The following OLFM1 variants were observed in gnomAD, a reference collection of about 807,000 sequenced individuals.
OLFM1 encodes olfactomedin 1, also known as noelin.
A neutral mutation model predicts 49.7 loss-of-function variants in OLFM1; 9 were observed. The observed-to-expected ratio is 0.18, with a 90% confidence interval of 0.11 to 0.32. The LOEUF is 0.32. OLFM1 is among the 10% of genes least tolerant of loss of function. The probability of loss-of-function intolerance (pLI) is 1.00; values close to 1 mark genes in which losing one functional copy is unlikely to be tolerated. For synonymous variants in OLFM1, 240 were observed against 271.8 expected (o/e 0.88, Z 1.15); for missense variants, 369 against 661.8 (o/e 0.56, Z 4.85).
intron 1 of OLFM1, among the ~76,000 whole-genome samples, chr9:135,081,819 T>C (rs1021278428): frequency 2.6e-5 from 4 of 152,138 alleles, no homozygotes; most frequent in African/African-American, 9.7e-5. Context: ...TGAGCTAAGG[T>C]GGCCTCTCAG....
chr9:135,109,716 C>CA (rs373108050), intron 5 of OLFM1, among the ~76,000 whole-genome samples: 1,670 of 146,794 alleles, frequency 0.011, 12 homozygotes, highest in African/African-American at 0.032. Flanking sequence ...TAACTCGCTC[C>CA]AAAAAAAAAA....
At chr9:135,097,014 T>G (rs2119116797) in intron 3 of OLFM1, among the ~76,000 whole-genome samples, 1 of 152,334 alleles carries the variant, frequency 6.6e-6, no homozygotes, top group African/African-American at 2.4e-5. Context: ...AATGAAGGTA[T>G]ACATGCATTT....
chr9:135,112,727 C>T (rs1298802690), intron 5 of OLFM1, among the ~76,000 whole-genome samples: 1 of 152,334 alleles, frequency 6.6e-6, no homozygotes, highest in Middle Eastern at 3.4e-3. Context: ...AGCAAGGGCT[C>T]GTGTGGACAC....
chr9:135,116,757 G>A (rs1049999808), intron 5 of OLFM1, among the ~76,000 whole-genome samples: 3 of 151,952 alleles, frequency 2.0e-5, no homozygotes, highest in African/African-American at 7.3e-5. Context: ...TGTCATTAAG[G>A]GGGTTTCAGC....
chr9:135,092,350 AGAAG>A lies in OLFM1; in HGVS notation c.300+2009_300+2012del, dbSNP rs1297156079. 9.8e-5 allele frequency among the ~76,000 whole-genome samples: 15 copies of A among 152,312 alleles called. No individual in the cohort carries two copies. In the East Asian group the frequency reaches 2.9e-3, roughly 29 times the overall value. ...CCACAGGACCCTTGTTTCTTGGGCAAGAAGGATGCATCATGGTACGCAGGGCAAC... is the reference window on the plus strand; with the variant it reads ...CCACAGGACCCTTGTTTCTTGGGCAAGATGCATCATGGTACGCAGGGCAAC... On this transcript the variant is annotated intron_variant, in intron 2 of 5. Transcript: ENST00000371793.
At chr9:135,116,199 C>T (rs914128853) in intron 5 of OLFM1, among the ~76,000 whole-genome samples, 3 of 152,186 alleles carry the variant, frequency 2.0e-5, no homozygotes, top group Non-Finnish European at 4.4e-5. Context: ...CACGGGGCTC[C>T]TTATCCCAAG....
rs1326464916 is a variant in OLFM1 at position 135,080,310 on chromosome 9, A to G, written c.96+4508A>G. ...TGTTTTGGACTTGCTGGGAGGATACAGTGTTTGTAGAAGGGGATGGAGTGC... is the reference window on the plus strand; with the variant it reads ...TGTTTTGGACTTGCTGGGAGGATACGGTGTTTGTAGAAGGGGATGGAGTGC... On this transcript the variant is annotated intron_variant, in intron 1 of 5. Transcript: ENST00000252854. The surrounding 1 kb of genome is among the most constrained non-coding windows in gnomAD (Gnocchi z 4.5). Among the ~76,000 whole-genome samples the G allele has an allele frequency of 6.6e-6, 1 of 151,942 alleles. No homozygotes were observed. Among genetic ancestry groups the G allele is most frequent in the Non-Finnish European group, 1.5e-5 (1 of 68,006 alleles).
At position 135,095,866 on chromosome 9, in the gene OLFM1, G is replaced by A; in HGVS notation, c.303G>A (p.Val101=). ...TGAACCTGTTGCCCTTTTGACAGGT[G>A]CAGAACATGTCTCAATCCATAGAGG... ...TKQLRQLLEK[V]QNMSQSIEVL... The change falls in exon 3 of 6, where the codon GTG becomes GTA. Residue 101 remains valine, a splice_region_variant and synonymous_variant. Coordinates refer to ENST00000371793, the MANE Select transcript of OLFM1 (RefSeq NM_001282611.2). 6.2e-7 allele frequency: 1 copy of A among 1,612,902 alleles called. No homozygotes were observed. Among genetic ancestry groups the A allele is most frequent in the East Asian group, 2.2e-5 (1 of 44,850 alleles).
chr9:135,099,222 T>C (rs1169299038), intron 4 of OLFM1, among the ~76,000 whole-genome samples: 1 of 152,252 alleles, frequency 6.6e-6, no homozygotes, highest in Non-Finnish European at 1.5e-5. Context: ...TAATTTTTCT[T>C]AAGAAATATT....
intron 1 of OLFM1, chr9:135,077,122 G>A (rs1310252895): frequency 1.3e-6 from 2 of 1,550,502 alleles, no homozygotes; most frequent in Non-Finnish European, 8.7e-7. Flanking sequence ...GTTGTGCACT[G>A]TTGCTGGACA....
intron 3 of OLFM1, among the ~76,000 whole-genome samples, chr9:135,097,330 A>G (rs991531203): frequency 6.6e-6 from 1 of 152,214 alleles, no homozygotes; most frequent in African/African-American, 2.4e-5. Flanking sequence ...TTGTCCTCGC[A>G]TCTGGCTGGT....
At position 135,088,229 on chromosome 9, in the gene OLFM1, C is replaced by T. The variant is rs911526046; in HGVS notation, c.150+90C>T. On this transcript the variant is annotated intron_variant, in intron 1 of 5. Transcript: ENST00000371793. The surrounding 1 kb of genome is among the most constrained non-coding windows in gnomAD (Gnocchi z 4.8). ...CCGGAGCCCCGGGCTGGGCGGGCGCCGCGCGGGACCCGAGTCGCCCAGGGA... is the reference window on the plus strand; with the variant it reads ...CCGGAGCCCCGGGCTGGGCGGGCGCTGCGCGGGACCCGAGTCGCCCAGGGA... 2 of 1,152,680 alleles carry T rather than the reference C, an allele frequency of 1.7e-6. No individual in the cohort carries two copies. Among genetic ancestry groups the T allele is most frequent in the Non-Finnish European group, 2.2e-6 (2 of 921,228 alleles). 71.4% of individuals were successfully genotyped at this position (1,152,680 alleles called of 1,614,324 possible). A position where few individuals can be genotyped will look rare whatever the true frequency, so the allele number is the denominator to read the frequency against.
intron 2 of OLFM1, among the ~76,000 whole-genome samples, chr9:135,091,571 A>ACAGTCACACACT: frequency 6.7e-6 from 1 of 149,010 alleles, no homozygotes; most frequent in Middle Eastern, 3.5e-3. Context: ...TCACACACAC[A>ACAGTCACACACT]CACAGTCACA....
chr9:135,114,120 A>ATGCTT, intron 5 of OLFM1, among the ~76,000 whole-genome samples: 1 of 72,524 alleles, frequency 1.4e-5, no homozygotes, highest in Non-Finnish European at 2.8e-5. Context: ...TCATCTTGAG[A>ATGCTT]TTCTTTTTTT....
chr9:135,111,391 C>A (rs528291035), intron 5 of OLFM1, among the ~76,000 whole-genome samples: 3 of 152,308 alleles, frequency 2.0e-5, no homozygotes, highest in Non-Finnish European at 4.4e-5. Flanking sequence ...GCCGTCTGGC[C>A]GCAGGCTCTC....
rs1413391664 is a variant in OLFM1 at position 135,117,574 on chromosome 9, C to A, written c.784-1930C>A. Among the ~76,000 whole-genome samples, 1 of 152,210 alleles carries A rather than the reference C, an allele frequency of 6.6e-6. No individual in the cohort carries two copies. Among genetic ancestry groups the A allele is most frequent in the Admixed American group, 6.5e-5 (1 of 15,280 alleles). The stretch of plus-strand genomic sequence containing the variant: ...CTGTGAGCATTTGCCCTCGGCTAGG[C>A]CAGGTGGCTGTGCCCCTTCGAAGGC... On this transcript the variant is annotated intron_variant, in intron 5 of 5. Transcript: ENST00000371793. The surrounding 1 kb of genome is among the most constrained non-coding windows in gnomAD (Gnocchi z 5.5).
chr9:135,108,800 G>A (rs1035938004), intron 5 of OLFM1, among the ~76,000 whole-genome samples: 20 of 152,254 alleles, frequency 1.3e-4, no homozygotes, highest in African/African-American at 4.3e-4. Flanking sequence ...TGCCTGCGTC[G>A]GGGTCATTGG....
intron 5 of OLFM1, 70 bp from the exon 6 acceptor site, chr9:135,119,434 G>A (rs1831155308): frequency 4.6e-6 from 6 of 1,300,382 alleles, no homozygotes; most frequent in Non-Finnish European, 6.5e-6. Context: ...CTTTGGAAGT[G>A]CTCACTGGGT....
chr9:135,106,609 C>A (rs940553979), intron 4 of OLFM1, 140 bp from the exon 5 acceptor site: 4 of 626,542 alleles, frequency 6.4e-6, no homozygotes, highest in African/African-American at 5.5e-5. Flanking sequence ...GCGTGAGCAG[C>A]TTTCCACAGT....
Sources: allele counts gnomAD v4.1 joint callset (sites outside exome capture counted in the v4.1 genomes callset), GRCh38; gene constraint gnomAD v4.1.1; non-coding constraint Gnocchi (gnomAD v3.1); transcripts MANE v1.5; gene names NCBI Gene and HGNC (gene_info 2026-07-23, HGNC 2026-07-21).